TRHDE: variants seen among roughly 807,000 people sequenced by gnomAD.
The protein encoded by TRHDE is thyrotropin releasing hormone degrading enzyme, also known as thyrotropin-releasing hormone-degrading ectoenzyme.
In TRHDE, 72 loss-of-function variants were observed where a neutral mutation model predicts 125.7. The observed-to-expected ratio is 0.57, with a 90% CI of 0.47 to 0.70. TRHDE has a LOEUF of 0.70. Among genes scored for constraint, TRHDE ranks in the 30% least tolerant of loss-of-function variants. The pLI, the probability that TRHDE is intolerant of heterozygous loss-of-function variation, is 0.00. For synonymous variants in TRHDE, 509 were observed against 509.1 expected, an observed-to-expected ratio of 1.00 and a Z score of 0.00; for missense variants, 1,110 against 1,327.1, an observed-to-expected ratio of 0.84 and a Z score of 2.54.
intron 2 of TRHDE, among the ~76,000 whole-genome samples, chr12:72,161,418 C>A (rs1390401612): frequency 7.1e-6 from 1 of 141,478 alleles, no homozygotes; most frequent in Non-Finnish European, 1.5e-5. Context: ...GGCGACAGAG[C>A]GAGACTCCGT....
At chr12:72,256,356 G>A (rs1218095135) in intron 2 of TRHDE, 1 of 151,798 alleles carries the variant, frequency 6.6e-6, no homozygotes, top group African/African-American at 2.4e-5. Context: ...CTTTGCTTTT[G>A]TTGTTCCCTC....
In TRHDE at chr12:72,166,247, T is replaced by C. The variant is rs78535670; in HGVS notation, n.279+60495T>C. The stretch of plus-strand genomic sequence containing the variant: ...TCTTATGGGACCACTGCCATATATG[T>C]GGTTCATTTTTGACAGAAATGATGT... On this transcript the variant is annotated intron_variant and non_coding_transcript_variant, in intron 2 of 4. Coordinates refer to the TRHDE transcript ENST00000548156. 6.8e-4 allele frequency among the ~76,000 whole-genome samples: 104 copies of C among 152,252 alleles called. 1 individual carries two copies. The East Asian group carries it at 0.016, about 24-fold the overall frequency.
At chr12:72,545,783 T>C (rs1869387166) in intron 7 of TRHDE, among the ~76,000 whole-genome samples, 1 of 151,718 alleles carries the variant, frequency 6.6e-6, no homozygotes, top group South Asian at 2.1e-4. Context: ...TAATTGGCTC[T>C]GGATACTTTA....
intron 10 of TRHDE, among the ~76,000 whole-genome samples, chr12:72,572,513 T>A (rs1870793622): frequency 6.6e-6 from 1 of 152,118 alleles, no homozygotes; most frequent in African/African-American, 2.4e-5. Context: ...ATCATTTAAT[T>A]TGAAGAACAT....
In TRHDE at chr12:72,251,758, CT is replaced by C. The variant is rs1878688161; in HGVS notation, n.280-126236del. On this transcript the variant is annotated intron_variant and non_coding_transcript_variant, in intron 2 of 4. Coordinates refer to the TRHDE transcript ENST00000548156. The stretch of plus-strand genomic sequence containing the variant: ...ACCATGAAAAGGTTTCCCAGTGTGG[CT>C]GTACCTCTTTACATTTTTTACTAGC... Among the ~76,000 whole-genome samples, 3 of 152,066 alleles carry C rather than the reference CT, an allele frequency of 2.0e-5. No homozygotes were observed. In the East Asian group the frequency reaches 5.8e-4, roughly 29 times the overall value.
chr12:72,445,454 C>T (rs963239165), intron 3 of TRHDE, among the ~76,000 whole-genome samples: 1 of 151,900 alleles, frequency 6.6e-6, no homozygotes, highest in African/African-American at 2.4e-5. Context: ...CCTGTTTCAG[C>T]AACCTCTCTT....
chr12:72,307,097 T>G (rs1345999451), intron 2 of TRHDE, among the ~76,000 whole-genome samples: 1 of 152,086 alleles, frequency 6.6e-6, no homozygotes, highest in East Asian at 1.9e-4. Context: ...ACATTTAGTT[T>G]TTGTCTGAGT....
intron 3 of TRHDE, among the ~76,000 whole-genome samples, chr12:72,459,878 A>G (rs187760989): frequency 1.3e-5 from 2 of 152,216 alleles, no homozygotes; most frequent in Non-Finnish European, 2.9e-5. Context: ...TCGGCTTCTC[A>G]ATGTACTGGG....
Position 72,665,725 on chromosome 12 carries a change from C to T in TRHDE, c.*2530C>T, listed in dbSNP as rs1875091518. On this transcript the variant is annotated 3_prime_UTR_variant, in exon 19 of 19. Transcript: ENST00000261180. The stretch of plus-strand genomic sequence containing the variant: ...CTAACTGTTGAAAGTGTCCAACCTC[C>T]AGCCATAGCAATTTGCTGTGCCAAT... 1 of 152,018 alleles carries T rather than the reference C, an allele frequency of 6.6e-6. No homozygotes were observed. Among genetic ancestry groups the T allele is most frequent in the Admixed American group, 6.6e-5 (1 of 15,236 alleles). The allele number at this position is 152,018 out of a possible 1,614,324, so 9.4% of individuals were successfully genotyped here. A position where few individuals can be genotyped will look rare whatever the true frequency, so the allele number is the denominator to read the frequency against.
intron 3 of TRHDE, among the ~76,000 whole-genome samples, chr12:72,438,745 GT>G (rs1874861987): frequency 6.6e-6 from 1 of 151,712 alleles, no homozygotes; most frequent in Non-Finnish European, 1.5e-5. Context: ...TGTTCACTCT[GT>G]TATTACCTTT....
At chr12:72,320,248 C>A (rs968779847) in intron 2 of TRHDE, among the ~76,000 whole-genome samples, 1 of 151,994 alleles carries the variant, frequency 6.6e-6, no homozygotes, top group African/African-American at 2.4e-5. Context: ...AGGAACCCCC[C>A]ACAGATACAA....
intron 3 of TRHDE, among the ~76,000 whole-genome samples, chr12:72,412,208 A>G (rs1156560220): frequency 1.3e-5 from 2 of 152,174 alleles, no homozygotes; most frequent in African/African-American, 4.8e-5. Context: ...TTAAAAATTT[A>G]TATAACCCAA....
intron 2 of TRHDE, among the ~76,000 whole-genome samples, chr12:72,107,829 C>A (rs551616608): frequency 7.0e-6 from 1 of 143,580 alleles, no homozygotes; most frequent in Admixed American, 6.8e-5. Flanking sequence ...TTTTTGAAAT[C>A]TAATTTAGAC....
At chr12:72,631,011 A>C (rs1429884193) in intron 15 of TRHDE, among the ~76,000 whole-genome samples, 1 of 150,772 alleles carries the variant, frequency 6.6e-6, no homozygotes, top group Non-Finnish European at 1.5e-5. Flanking sequence ...ATCAAATAGA[A>C]AAAAATAAAG....
chr12:72,574,528 T>G (rs1870898259), intron 10 of TRHDE, among the ~76,000 whole-genome samples: 1 of 152,114 alleles, frequency 6.6e-6, no homozygotes, highest in Non-Finnish European at 1.5e-5. Flanking sequence ...GTGAATAGTG[T>G]CCTCGCTCTG....
At chr12:72,465,184 A>C (rs1051127467) in intron 3 of TRHDE, among the ~76,000 whole-genome samples, 8 of 152,172 alleles carry the variant, frequency 5.3e-5, no homozygotes, top group African/African-American at 1.9e-4. Flanking sequence ...AAATAAACAA[A>C]AGAATATTTT....
At chr12:72,504,761 C>G (rs1878292661) in intron 6 of TRHDE, among the ~76,000 whole-genome samples, 1 of 152,182 alleles carries the variant, frequency 6.6e-6, no homozygotes. Flanking sequence ...ATTGTAGAGA[C>G]TGGAGTTGTA....
At chr12:72,119,322 A>G (rs1875522570) in intron 2 of TRHDE, among the ~76,000 whole-genome samples, 1 of 152,052 alleles carries the variant, frequency 6.6e-6, no homozygotes, top group Non-Finnish European at 1.5e-5. Flanking sequence ...ATATTATTTA[A>G]TTTCCATGTG....
In TRHDE at chr12:72,668,540, A is replaced by C. The variant is rs1875175564; in HGVS notation, c.*5345A>C. The C allele has an allele frequency of 6.6e-6, 1 of 151,802 alleles. No individual in the cohort carries two copies. Among genetic ancestry groups the C allele is most frequent in the African/African-American group, 2.4e-5 (1 of 41,396 alleles). The allele number at this position is 151,802 out of a possible 1,614,324, so 9.4% of individuals were successfully genotyped here. A position where few individuals can be genotyped will look rare whatever the true frequency, so the allele number is the denominator to read the frequency against. ...TTCATTTATTAATGTACTAAGAAAA[A>C]GAAAACAAAATGACTGATTCTTTTG... On this transcript the variant is annotated 3_prime_UTR_variant, in exon 19 of 19. Transcript: ENST00000261180.
Sources: allele counts gnomAD v4.1 joint callset (sites outside exome capture counted in the v4.1 genomes callset), GRCh38; gene constraint gnomAD v4.1.1; transcripts MANE v1.5; gene names NCBI Gene and HGNC (gene_info 2026-07-23, HGNC 2026-07-21).